TSHR: variants seen among roughly 807,000 people sequenced by gnomAD.
TSHR encodes the protein thyrotropin receptor.
A neutral mutation model predicts 64.1 loss-of-function variants in TSHR; 51 were observed. The ratio of observed to expected loss-of-function variants is 0.80; its 90% CI spans 0.64 to 1.01. The LOEUF (loss-of-function observed/expected upper bound fraction) is 1.01. TSHR is among the 50% of genes least tolerant of loss of function. The pLI is 0.00. For synonymous variants in TSHR, 361 were observed against 361.9 expected (o/e 1.00, Z 0.03); for missense variants, 877 against 942.8 (o/e 0.93, Z 0.91).
At chr14:81,125,611 C>T (rs959524264) in intron 8 of TSHR, among the ~76,000 whole-genome samples, 1 of 152,086 alleles carries the variant, frequency 6.6e-6, no homozygotes, top group Admixed American at 6.6e-5. Context: ...CCTCATCAGC[C>T]TGGAGCTCCT....
intron 3 of TSHR, 55 bp from the exon 4 acceptor site, chr14:81,087,899 G>C (rs1457051548): frequency 7.8e-7 from 1 of 1,288,012 alleles, no homozygotes; most frequent in African/African-American, 1.5e-5. Flanking sequence ...TTTTGTCTTT[G>C]ATAAGAACAG....
At chr14:81,006,792 C>T (rs1161231355) in intron 1 of TSHR, among the ~76,000 whole-genome samples, 2 of 152,056 alleles carry the variant, frequency 1.3e-5, no homozygotes, top group Non-Finnish European at 2.9e-5. Context: ...GGATTACAGG[C>T]GTGAGTTAAC....
intron 2 of TSHR, among the ~76,000 whole-genome samples, chr14:81,063,282 ATTTTAT>A (rs1407683822): frequency 6.6e-6 from 1 of 151,546 alleles, no homozygotes; most frequent in East Asian, 1.9e-4. Flanking sequence ...CTGACTTCCT[ATTTTAT>A]TTTTGCCAGC....
At position 81,051,374 on chromosome 14, in the gene TSHR, A is replaced by C. The variant is rs1338464554; in HGVS notation, c.171-10774A>C. On this transcript the variant is annotated intron_variant, in intron 1 of 9. Transcript: ENST00000298171. ...ATAGAAGTTGGAATTAACTTCCTCC[A>C]AACTCCTGTTAATGTTGAAATTTTG... is the stretch of plus-strand genomic sequence containing the variant. 4 of 152,142 alleles carry C rather than the reference A, an allele frequency of 2.6e-5. No individual in the cohort carries two copies. The East Asian group carries it at 7.7e-4, about 29-fold the overall frequency. The allele number at this position is 152,142 out of a possible 1,614,324, so 9.4% of individuals were successfully genotyped here.
At position 81,144,227 on chromosome 14, in the gene TSHR, G is replaced by T. The variant is rs1433610933; in HGVS notation, c.2169G>T (p.Lys723Asn). ...PKNSTDIQVQ[K>N]VTHEMRQGLH... ...ACAGCACTGATATTCAGGTTCAAAA[G>T]GTTACCCACGAGATGAGGCAGGGTC... The change falls in exon 10 of 10, where the codon AAG (lysine) becomes AAT (asparagine). Residue 723 changes from lysine to asparagine, a missense_variant. Coordinates refer to ENST00000298171, the MANE Select transcript of TSHR (RefSeq NM_000369.5). The T allele has an allele frequency of 4.3e-6, 7 of 1,613,368 alleles. No homozygotes were observed. The highest frequency in any genetic ancestry group is 2.7e-5 in the African/African-American group (2 of 74,946).
At chr14:81,048,814 C>T (rs1885293623) in intron 1 of TSHR, among the ~76,000 whole-genome samples, 1 of 152,132 alleles carries the variant, frequency 6.6e-6, no homozygotes, top group Admixed American at 6.6e-5. Context: ...TTGAATCTAC[C>T]ACCATGATTG....
In TSHR at chr14:81,143,339, G is replaced by T; in HGVS notation, c.1281G>T (p.Leu427=). The change falls in exon 10 of 10, where the codon CTG becomes CTT. Residue 427 remains leucine, a synonymous_variant. Coordinates refer to ENST00000298171, the MANE Select transcript of TSHR (RefSeq NM_000369.5). The stretch of plus-strand genomic sequence containing the variant: ...TTGTGGTGTGGTTCGTTAGTCTGCT[G>T]GCTCTCCTGGGCAATGTCTTTGTCC... ...LRIVVWFVSL[L]ALLGNVFVLL... 1 of 1,614,162 alleles carries T rather than the reference G, an allele frequency of 6.2e-7. No homozygotes were observed. Among genetic ancestry groups the T allele is most frequent in the South Asian group, 1.1e-5 (1 of 91,070 alleles).
intron 1 of TSHR, among the ~76,000 whole-genome samples, chr14:81,026,391 C>G (rs1174069530): frequency 6.6e-6 from 1 of 152,054 alleles, no homozygotes; most frequent in Non-Finnish European, 1.5e-5. Context: ...CAAACATTAC[C>G]CTGTCACCTC....
chr14:80,987,885 C>T (rs993060583), intron 1 of TSHR, among the ~76,000 whole-genome samples: 6 of 152,184 alleles, frequency 3.9e-5, no homozygotes, highest in African/African-American at 1.4e-4. Context: ...TATTGCCCTT[C>T]CCTTTCCTAC....
intron 1 of TSHR, chr14:80,958,196 T>C (rs1886809598): frequency 6.6e-6 from 1 of 152,192 alleles, no homozygotes; most frequent in South Asian, 2.1e-4. Flanking sequence ...GGGGTCCTGT[T>C]CTCAGCGCTT....
intron 1 of TSHR, among the ~76,000 whole-genome samples, chr14:81,028,974 C>T (rs1487152330): frequency 1.3e-5 from 2 of 151,374 alleles, no homozygotes; most frequent in Non-Finnish European, 2.9e-5. Context: ...ATCACAGAGC[C>T]TATAGATATT....
intron 1 of TSHR, among the ~76,000 whole-genome samples, chr14:80,963,567 G>A (rs75894057): frequency 0.017 from 2,537 of 152,332 alleles, 23 homozygotes; most frequent in Middle Eastern, 0.054. Context: ...AGAGAAAACT[G>A]TATCTTTTTA....
At chr14:81,133,081 A>G (rs1423320045) in intron 8 of TSHR, among the ~76,000 whole-genome samples, 1 of 152,242 alleles carries the variant, frequency 6.6e-6, no homozygotes, top group Non-Finnish European at 1.5e-5. Context: ...AATGTGGCTC[A>G]GTACTCAACA....
chr14:81,054,073 G>A (rs186484074), intron 1 of TSHR, among the ~76,000 whole-genome samples: 16 of 152,322 alleles, frequency 1.1e-4, no homozygotes, highest in Admixed American at 6.5e-5. Context: ...ATCTCATCTT[G>A]AATTCCCACA....
rs142762344 is a variant in TSHR at position 81,016,586 on chromosome 14, T to C, written c.171-45562T>C. ...TCCATGAGCTGCCTTTTCATTGTGT[T>C]GTTTCCCTTGCTATGCAGAAGCTTT... On this transcript the variant is annotated intron_variant, in intron 1 of 9. Coordinates refer to ENST00000298171, the MANE Select transcript of TSHR (RefSeq NM_000369.5). Among the ~76,000 whole-genome samples the C allele has an allele frequency of 4.6e-3, 705 of 152,330 alleles. 6 individuals are homozygous for C. The highest frequency in any genetic ancestry group is 0.015 in the African/African-American group (603 of 41,572).
intron 1 of TSHR, among the ~76,000 whole-genome samples, chr14:81,055,683 T>C (rs766802602): frequency 3.3e-5 from 5 of 152,222 alleles, no homozygotes; most frequent in Non-Finnish European, 5.9e-5. Context: ...CCTGCTGTAT[T>C]TCAGACTTGC....
At chr14:81,102,589 G>T (rs1056360532) in intron 7 of TSHR, 1 of 171,034 alleles carries the variant, frequency 5.8e-6, no homozygotes, top group African/African-American at 2.4e-5. Flanking sequence ...AAATATTTGG[G>T]GCCTTATGGG....
chr14:81,101,693 C>G (rs1444621910), intron 7 of TSHR, among the ~76,000 whole-genome samples: 1 of 152,156 alleles, frequency 6.6e-6, no homozygotes, highest in East Asian at 1.9e-4. Context: ...ACATGGGACA[C>G]AATCACACAT....
At chr14:81,074,402 T>A (rs75383438) in intron 3 of TSHR, among the ~76,000 whole-genome samples, 11,179 of 152,172 alleles carry the variant, frequency 0.073, 1,368 homozygotes, top group African/African-American at 0.25. Flanking sequence ...GCGACTATAA[T>A]CAAAGCATTA....
Sources: gnomAD v4.1 joint callset for allele counts (sites outside exome capture counted in the v4.1 genomes callset) on GRCh38, gnomAD v4.1.1 for gene constraint, MANE v1.5 for transcripts, NCBI Gene and HGNC (gene_info 2026-07-23, HGNC 2026-07-21) for gene names.